The following EEPD1 variants were observed in gnomAD, a reference collection of about 807,000 sequenced individuals.
EEPD1 encodes the protein endonuclease/exonuclease/phosphatase family domain-containing protein 1.
Under a neutral mutation model 46.3 loss-of-function variants are expected in EEPD1, and 17 were observed. The observed-to-expected ratio is 0.37, with a 90% CI of 0.25 to 0.55. The LOEUF (loss-of-function observed/expected upper bound fraction) is 0.55, where lower values mean the gene tolerates loss of function less well. EEPD1 is among the 20% of genes least tolerant of loss of function. The pLI is 0.83. For synonymous variants in EEPD1, 313 were observed against 315.6 expected (o/e 0.99, Z 0.09); for missense variants, 673 against 745.6 (o/e 0.90, Z 1.13).
rs769957243 is a variant in EEPD1, at chr7:36,154,877, G to A, written c.553G>A (p.Ala185Thr). The change falls in exon 2 of 8, where the codon GCC becomes ACC. Residue 185 changes from alanine to threonine, a missense_variant. Transcript: ENST00000242108. This position sits in a 1 kb window ranked among gnomAD's most constrained non-coding sequence, Gnocchi z 4.2. Reference protein sequence around the residue: ...EDLVRMDGINAAFLDRIRHQV... With the variant: ...EDLVRMDGINTAFLDRIRHQV... ...CCTAGTGAGGATGGATGGTATCAAT[G>A]CCGCCTTCCTGGACAGGATCCGGCA... The A allele has an allele frequency of 6.2e-7, 1 of 1,614,214 alleles. No individual in the cohort carries two copies. The highest frequency in any genetic ancestry group is 1.3e-5 in the African/African-American group (1 of 75,048).
At chr7:36,171,763 T>C (rs1433486175) in intron 2 of EEPD1, among the ~76,000 whole-genome samples, 1 of 152,258 alleles carries the variant, frequency 6.6e-6, no homozygotes, top group Non-Finnish European at 1.5e-5. Flanking sequence ...ATACTGCCTC[T>C]CACTCATTAA....
intron 3 of EEPD1, among the ~76,000 whole-genome samples, chr7:36,257,774 C>G (rs571147360): frequency 2.0e-5 from 3 of 152,266 alleles, no homozygotes; most frequent in African/African-American, 4.8e-5. Flanking sequence ...AGAACATGCT[C>G]CTTTAGCTCG....
At chr7:36,270,209 G>A (rs1787082191) in intron 3 of EEPD1, among the ~76,000 whole-genome samples, 1 of 152,014 alleles carries the variant, frequency 6.6e-6, no homozygotes, top group Admixed American at 6.6e-5. Flanking sequence ...TAGCAGTAGT[G>A]GTCTTTGCAC....
At chr7:36,282,218 G>T (rs1003514903) in intron 4 of EEPD1, among the ~76,000 whole-genome samples, 2 of 152,206 alleles carry the variant, frequency 1.3e-5, no homozygotes, top group Admixed American at 6.5e-5. Context: ...GAAATAATAA[G>T]AATAATACCA....
intron 2 of EEPD1, among the ~76,000 whole-genome samples, chr7:36,158,470 G>C (rs539176381): frequency 6.6e-6 from 1 of 152,206 alleles, no homozygotes; most frequent in Non-Finnish European, 1.5e-5. Flanking sequence ...TTAGGCTGAA[G>C]GGTAGCTGTA....
intron 2 of EEPD1, among the ~76,000 whole-genome samples, chr7:36,200,771 AC>A (rs1785698746): frequency 6.6e-6 from 1 of 152,164 alleles, no homozygotes; most frequent in Admixed American, 6.5e-5. Flanking sequence ...AAAACCCGTC[AC>A]CAAGTATCTC....
Position 36,287,772 on chromosome 7 carries a change from T to G in EEPD1, c.1310T>G (p.Leu437Arg). ...TTTGCACAGACCCTACAGGAAACCC[T>G]GAAAGGTAGGACATTGTCTTTTGCT... The part of the protein sequence containing the change: ...ASFAQTLQET[L>R]KGEKDVIILG... Residue 437 changes from leucine to arginine, a missense_variant, in exon 6 of 8, where the codon CTG becomes CGG. By Grantham distance (102) the Leu-to-Arg change is moderately radical. Transcript: ENST00000242108. The G allele has an allele frequency of 6.2e-7, 1 of 1,613,692 alleles. No homozygotes were observed. Among genetic ancestry groups the G allele is most frequent in the Non-Finnish European group, 8.5e-7 (1 of 1,179,744 alleles).
rs1188178427 is a variant in EEPD1 at position 36,154,445 on chromosome 7, A to G, written c.121A>G (p.Asn41Asp). Residue 41 changes from asparagine to aspartate, a missense_variant, in exon 2 of 8, where the codon AAC (asparagine) becomes GAC (aspartate). Coordinates refer to ENST00000242108, the MANE Select transcript of EEPD1 (RefSeq NM_030636.3). The surrounding 1 kb of genome is among the most constrained non-coding windows in gnomAD (Gnocchi z 4.2). ...SNILVNQERL[N>D]INTATEEELM... ...CATTCTAGTGAATCAGGAGCGGCTCAACATCAACACTGCCACGGAGGAGGA... is the reference window on the plus strand; with the variant it reads ...CATTCTAGTGAATCAGGAGCGGCTCGACATCAACACTGCCACGGAGGAGGA... The G allele has an allele frequency of 6.2e-7, 1 of 1,614,218 alleles. No individual in the cohort carries two copies. Among genetic ancestry groups the G allele is most frequent in the Non-Finnish European group, 8.5e-7 (1 of 1,180,046 alleles).
chr7:36,280,100 C>T (rs549775062), intron 3 of EEPD1, among the ~76,000 whole-genome samples: 3 of 152,218 alleles, frequency 2.0e-5, no homozygotes, highest in Non-Finnish European at 2.9e-5. Flanking sequence ...CCAAGATGGG[C>T]ACTGGGTGGA....
chr7:36,234,530 G>A (rs1401151422), intron 2 of EEPD1, among the ~76,000 whole-genome samples: 1 of 151,958 alleles, frequency 6.6e-6, no homozygotes, highest in East Asian at 1.9e-4. Flanking sequence ...AAATTAGCCT[G>A]GTGTGGTGGC....
Position 36,300,906 on chromosome 7 carries a change from G to A in EEPD1, c.*1700G>A, listed in dbSNP as rs1381833158. 1 of 152,328 alleles carries A rather than the reference G, an allele frequency of 6.6e-6. No individual in the cohort carries two copies. The highest frequency in any genetic ancestry group is 1.9e-4 in the East Asian group (1 of 5,202). 9.4% of individuals were successfully genotyped at this position (152,328 alleles called of 1,614,324 possible). On this transcript the variant is annotated 3_prime_UTR_variant, in exon 8 of 8. Coordinates refer to ENST00000242108, the MANE Select transcript of EEPD1 (RefSeq NM_030636.3). ...CTGGAAGCATCGAAATGGGATGTCT[G>A]AGCCTTGAGGAAAAGCAGCAGGGTT...
chr7:36,297,315 C>A, intron 7 of EEPD1, 128 bp downstream of exon 7: 2 of 1,066,416 alleles, frequency 1.9e-6, no homozygotes, highest in East Asian at 2.6e-5. Context: ...GACTGTATAA[C>A]TGTCATTTAA....
chr7:36,209,842 T>C (rs1018859825), intron 2 of EEPD1, among the ~76,000 whole-genome samples: 1 of 152,176 alleles, frequency 6.6e-6, no homozygotes, highest in African/African-American at 2.4e-5. Context: ...ATAAGACACA[T>C]ATCCCAATAG....
rs896531692 is a variant in EEPD1 at position 36,165,963 on chromosome 7, C to G, written c.878+10761C>G. Among the ~76,000 whole-genome samples, 6 of 152,188 alleles carry G rather than the reference C, an allele frequency of 3.9e-5. No homozygotes were observed. In the South Asian group the frequency reaches 8.3e-4, roughly 21 times the overall value. ...CTAGTCAGCATTTTCTTCAGCAATG[C>G]AGATGAACTGCTCGGAGAACCGATG... On this transcript the variant is annotated intron_variant, in intron 2 of 7. Coordinates refer to ENST00000242108, the MANE Select transcript of EEPD1 (RefSeq NM_030636.3).
intron 2 of EEPD1, among the ~76,000 whole-genome samples, chr7:36,236,577 G>T (rs985227205): frequency 5.3e-5 from 8 of 152,254 alleles, no homozygotes; most frequent in Non-Finnish European, 1.2e-4. Context: ...GCCAGTGCCA[G>T]TAAGAGGTGA....
intron 2 of EEPD1, among the ~76,000 whole-genome samples, chr7:36,183,202 G>A (rs1440278036): frequency 4.6e-5 from 7 of 152,074 alleles, no homozygotes; most frequent in African/African-American, 2.4e-5. Context: ...CTGTGTAGAC[G>A]GCACGCATGT....
intron 6 of EEPD1, among the ~76,000 whole-genome samples, chr7:36,295,979 C>T (rs776763665): frequency 1.0e-4 from 13 of 123,912 alleles, no homozygotes; most frequent in African/African-American, 3.1e-4. Flanking sequence ...TGTAGTGAGC[C>T]GAGATTGTGC....
chr7:36,199,316 T>C (rs2726085), intron 2 of EEPD1, among the ~76,000 whole-genome samples: 21,702 of 152,100 alleles, frequency 0.14, 1,658 homozygotes, highest in Non-Finnish European at 0.17. Context: ...TAAGAATTTT[T>C]TGGGAAGAGA....
intron 3 of EEPD1, among the ~76,000 whole-genome samples, chr7:36,271,440 C>T (rs957607574): frequency 2.6e-5 from 4 of 152,042 alleles, no homozygotes; most frequent in African/African-American, 9.7e-5. Flanking sequence ...ATCCTGTGCC[C>T]ACTTTTTGAT....
Sources: gnomAD v4.1 joint callset for allele counts (sites outside exome capture counted in the v4.1 genomes callset) on GRCh38, gnomAD v4.1.1 for gene constraint, Gnocchi (gnomAD v3.1) non-coding constraint, MANE v1.5 for transcripts, NCBI Gene and HGNC (gene_info 2026-07-23, HGNC 2026-07-21) for gene names.